TBCA: variants seen among roughly 807,000 people sequenced by gnomAD.
TBCA encodes tubulin-specific chaperone A.
Under a neutral mutation model 15.8 loss-of-function variants are expected in TBCA, and 6 were observed. The ratio of observed to expected loss-of-function variants is 0.38; its 90% CI spans 0.21 to 0.75. The LOEUF (loss-of-function observed/expected upper bound fraction) is 0.75, where lower values mean the gene tolerates loss of function less well. TBCA is among the 30% of genes least tolerant of loss of function. The pLI is 0.46. For missense variants in TBCA, 90 were observed against 131.2 expected, an observed-to-expected ratio of 0.69 and a Z score of 1.53; for synonymous variants, 32 against 42.3, an observed-to-expected ratio of 0.76 and a Z score of 0.94.
intron 2 of TBCA, among the ~76,000 whole-genome samples, chr5:77,705,250 T>C (rs1746122776): frequency 1.3e-5 from 2 of 151,838 alleles, no homozygotes; most frequent in Non-Finnish European, 2.9e-5. Context: ...ATTTTAGCTA[T>C]AGGACTATTT....
intron 1 of TBCA, among the ~76,000 whole-genome samples, chr5:77,712,880 C>A (rs2112445011): frequency 6.6e-6 from 1 of 152,306 alleles, no homozygotes; most frequent in East Asian, 1.9e-4. Flanking sequence ...TTCACAAACA[C>A]ATATGGGCCC....
intron 1 of TBCA, among the ~76,000 whole-genome samples, chr5:77,729,104 C>T (rs888370995): frequency 2.0e-5 from 3 of 151,872 alleles, no homozygotes; most frequent in Non-Finnish European, 4.4e-5. Flanking sequence ...ACCTGAGGTC[C>T]GGAGTTCAAG....
At chr5:77,770,441 T>G (rs1009376979) in intron 1 of TBCA, among the ~76,000 whole-genome samples, 2 of 152,192 alleles carry the variant, frequency 1.3e-5, no homozygotes, top group Admixed American at 6.5e-5. Context: ...GTTAGCTAGT[T>G]ACAGAAGAGG....
At chr5:77,736,335 CAAA>C (rs34100013) in intron 1 of TBCA, among the ~76,000 whole-genome samples, 8 of 90,256 alleles carry the variant, frequency 8.9e-5, no homozygotes, top group Non-Finnish European at 9.1e-5. Flanking sequence ...GACTCCGTCT[CAAA>C]AAAAAAAAAA....
At chr5:77,735,145 G>GTACC (rs1746869667) in intron 1 of TBCA, among the ~76,000 whole-genome samples, 1 of 152,010 alleles carries the variant, frequency 6.6e-6, no homozygotes, top group Admixed American at 6.5e-5. Flanking sequence ...TATCTCCAAG[G>GTACC]TACCTGTATC....
chr5:77,754,692 A>G (rs912128366), intron 1 of TBCA, among the ~76,000 whole-genome samples: 2 of 152,214 alleles, frequency 1.3e-5, no homozygotes, highest in African/African-American at 2.4e-5. Flanking sequence ...CATTAAACCA[A>G]TATTAATGTC....
chr5:77,720,482 G>A (rs1163992042), intron 1 of TBCA, among the ~76,000 whole-genome samples: 1 of 152,178 alleles, frequency 6.6e-6, no homozygotes, highest in African/African-American at 2.4e-5. Context: ...GGGAGGCCGA[G>A]GTGGGTGGAT....
intron 1 of TBCA, among the ~76,000 whole-genome samples, chr5:77,717,000 TG>T (rs1746412571): frequency 6.6e-6 from 1 of 152,178 alleles, no homozygotes; most frequent in South Asian, 2.1e-4. Flanking sequence ...TGCTCATAAA[TG>T]GGATATAATC....
At chr5:77,745,845 C>T (rs577705257) in intron 1 of TBCA, among the ~76,000 whole-genome samples, 19 of 152,302 alleles carry the variant, frequency 1.2e-4, no homozygotes, top group Admixed American at 2.6e-4. Context: ...CACATGTTCA[C>T]TCACCAAAAT....
At position 77,693,365 on chromosome 5, in the gene TBCA, T is replaced by A; in HGVS notation, c.160-13A>T. 1 of 1,607,016 alleles carries A rather than the reference T, an allele frequency of 6.2e-7. No individual in the cohort carries two copies. On this transcript the variant is annotated splice_polypyrimidine_tract_variant and intron_variant, in intron 2 of 3. Transcript: ENST00000380377. ...GTAGGATCTCTGCCTAGAATGAGAA[T>A]CTCTGTGAGACGTTCAAAGATGGCA... is the stretch of plus-strand genomic sequence containing the variant.
intron 1 of TBCA, among the ~76,000 whole-genome samples, chr5:77,749,323 C>A (rs548569150): frequency 6.6e-6 from 1 of 152,154 alleles, no homozygotes; most frequent in Non-Finnish European, 1.5e-5. Context: ...TTATTATATG[C>A]GTAATAATAC....
chr5:77,739,113 G>C (rs188851264), intron 1 of TBCA, among the ~76,000 whole-genome samples: 2 of 152,320 alleles, frequency 1.3e-5, no homozygotes, highest in Admixed American at 1.3e-4. Context: ...TATTAGTGTA[G>C]TGTGTCATGA....
chr5:77,721,994 CT>C (rs889833944), intron 1 of TBCA, among the ~76,000 whole-genome samples: 9 of 151,948 alleles, frequency 5.9e-5, no homozygotes, highest in Admixed American at 3.9e-4. Context: ...AAATCTCTAA[CT>C]TTATCTCACA....
chr5:77,691,791 G>T, intron 3 of TBCA: 1 of 1,043,902 alleles, frequency 9.6e-7, no homozygotes, highest in Non-Finnish European at 1.1e-6. Context: ...CTCAGAAAAA[G>T]TTTATTCTCA....
At chr5:77,750,586 AAAG>A (rs1431610427) in intron 1 of TBCA, among the ~76,000 whole-genome samples, 2 of 152,254 alleles carry the variant, frequency 1.3e-5, no homozygotes, top group Admixed American at 6.5e-5. Context: ...AGTAGTAGCA[AAAG>A]AAGCAGTGAC....
intron 1 of TBCA, among the ~76,000 whole-genome samples, chr5:77,741,347 AAC>A (rs1554045292): frequency 3.9e-5 from 6 of 152,176 alleles, no homozygotes. Context: ...AGAAAAGACA[AAC>A]ACACAGGGCA....
chr5:77,769,368 T>C (rs1747853261), intron 1 of TBCA, among the ~76,000 whole-genome samples: 1 of 152,208 alleles, frequency 6.6e-6, no homozygotes, highest in Admixed American at 6.5e-5. Context: ...ACTATGTTCT[T>C]AACCTATCCC....
intron 2 of TBCA, chr5:77,694,220 G>A (rs373037005): frequency 2.0e-5 from 3 of 152,320 alleles, no homozygotes; most frequent in African/African-American, 4.8e-5. Context: ...TATTTTTGAT[G>A]CTTATCATGC....
At chr5:77,763,135 G>A (rs796792094) in intron 1 of TBCA, among the ~76,000 whole-genome samples, 101 of 152,124 alleles carry the variant, frequency 6.6e-4, no homozygotes, top group African/African-American at 2.4e-3. Context: ...TCCCAGCTAC[G>A]CGGGAGGCTG....
Sources: gnomAD v4.1 joint callset for allele counts (sites outside exome capture counted in the v4.1 genomes callset) on GRCh38, gnomAD v4.1.1 for gene constraint, MANE v1.5 for transcripts, NCBI Gene and HGNC (gene_info 2026-07-23, HGNC 2026-07-21) for gene names.